Variants in EXD3 observed in about 807,000 individuals in gnomAD.
EXD3 encodes the protein exonuclease 3'-5' domain containing 3.
Under a neutral mutation model 98.0 loss-of-function variants are expected in EXD3, and 92 were observed. The observed-to-expected ratio is 0.94, with a 90% CI of 0.79 to 1.12. The LOEUF (loss-of-function observed/expected upper bound fraction) is 1.12. Among genes scored for constraint, EXD3 ranks in the 50% most tolerant of loss-of-function variants. EXD3 has a pLI of 0.00. For missense variants in EXD3, 1,222 were observed against 1,191.6 expected, an observed-to-expected ratio of 1.03 and a Z score of -0.38; for synonymous variants, 569 against 526.0, an observed-to-expected ratio of 1.08 and a Z score of -1.12.
chr9:137,403,173 G>A lies in EXD3; in HGVS notation c.-47-7769C>T, dbSNP rs1346030100. ...CCCCTCTCCCCTCCATGGCAGTGTG[G>A]GGACTGCTATGCATATCTGAAAGTG... On this transcript the variant is annotated intron_variant, in intron 1 of 21. Coordinates refer to ENST00000340951, the MANE Select transcript of EXD3 (RefSeq NM_017820.5). This position sits in a 1 kb window ranked among gnomAD's most constrained non-coding sequence, Gnocchi z 6.1. 6.6e-6 allele frequency among the ~76,000 whole-genome samples: 1 copy of A among 152,078 alleles called. No individual in the cohort carries two copies. Among genetic ancestry groups the A allele is most frequent in the African/African-American group, 2.4e-5 (1 of 41,494 alleles).
chr9:137,381,469 G>A (rs994758661), intron 3 of EXD3, among the ~76,000 whole-genome samples: 1 of 149,440 alleles, frequency 6.7e-6, no homozygotes, highest in Admixed American at 6.7e-5. Flanking sequence ...AGGCTGCTGG[G>A]CAGTGGGGCT....
intron 2 of EXD3, among the ~76,000 whole-genome samples, chr9:137,388,008 C>A (rs1235565308): frequency 1.3e-5 from 2 of 152,236 alleles, no homozygotes; most frequent in East Asian, 1.9e-4. Context: ...CTGGACCCTG[C>A]CCCTTGGAAC....
At chr9:137,366,720 G>A in intron 6 of EXD3, 88 bp from the exon 7 acceptor site, 1 of 1,476,566 alleles carries the variant, frequency 6.8e-7, no homozygotes, top group Non-Finnish European at 9.0e-7. Flanking sequence ...CGGCCAAAGT[G>A]TCAGAACGAA....
intron 1 of EXD3, among the ~76,000 whole-genome samples, chr9:137,420,509 C>T (rs1838461644): frequency 6.6e-6 from 1 of 152,176 alleles, no homozygotes; most frequent in Non-Finnish European, 1.5e-5. Context: ...CCTGGTTATT[C>T]TACCAAGGCT....
chr9:137,358,025 G>A (rs1834880755), intron 7 of EXD3, among the ~76,000 whole-genome samples: 1 of 152,066 alleles, frequency 6.6e-6, no homozygotes, highest in Admixed American at 6.6e-5. Flanking sequence ...GGGTGCGTCT[G>A]CCTCTCCCAG....
At chr9:137,318,337 C>T (rs575048573) in intron 19 of EXD3, among the ~76,000 whole-genome samples, 56 of 152,260 alleles carry the variant, frequency 3.7e-4, no homozygotes, top group Non-Finnish European at 7.1e-4. Context: ...CCCCTCGTCC[C>T]CCCCATAATG....
At chr9:137,334,445 G>A (rs1469578199) in intron 17 of EXD3, among the ~76,000 whole-genome samples, 7 of 152,174 alleles carry the variant, frequency 4.6e-5, no homozygotes, top group East Asian at 1.9e-4. Flanking sequence ...TACAATCAAC[G>A]GATCTTTGAC....
At position 137,309,651 on chromosome 9, in the gene EXD3, T is replaced by C. The variant is rs1237341342; in HGVS notation, c.2234A>G (p.Gln745Arg). 6.4e-7 allele frequency: 1 copy of C among 1,562,350 alleles called. No homozygotes were observed. The highest frequency in any genetic ancestry group is 1.2e-5 in the South Asian group (1 of 84,768). ...CTGGTGACTGCTGAGCCACATGAGC[T>C]GCTTCATCATGTCCCTGGAGACCTT... ...YLKVSRDMMKQLMWLSSHQEG... is the reference protein window; with the variant it reads ...YLKVSRDMMKRLMWLSSHQEG... The change falls in exon 20 of 22, where the codon CAG (glutamine) becomes CGG (arginine). Residue 745 changes from glutamine to arginine, a missense_variant. Physicochemically the swap from Gln to Arg is conservative, Grantham distance 43. Coordinates refer to ENST00000340951, the MANE Select transcript of EXD3 (RefSeq NM_017820.5).
chr9:137,389,235 G>A (rs78428182), intron 2 of EXD3, among the ~76,000 whole-genome samples: 2,096 of 152,276 alleles, frequency 0.014, 37 homozygotes, highest in African/African-American at 0.047. Context: ...CCCCAAGCCC[G>A]GCGGACAGCG....
chr9:137,314,057 G>C (rs1051118793), intron 19 of EXD3, among the ~76,000 whole-genome samples: 1 of 152,156 alleles, frequency 6.6e-6, no homozygotes, highest in African/African-American at 2.4e-5. Flanking sequence ...GAGGCCCCCA[G>C]GCTGCCCTGT....
chr9:137,378,877 T>G (rs1836051855), intron 3 of EXD3, among the ~76,000 whole-genome samples: 1 of 150,566 alleles, frequency 6.6e-6, no homozygotes, highest in African/African-American at 2.5e-5. Context: ...GGTACAGGGT[T>G]TGTGGGTGAC....
rs1837781237 is a variant in EXD3 at position 137,407,481 on chromosome 9, C to CT, written c.-47-12078dup. 6.6e-6 allele frequency among the ~76,000 whole-genome samples: 1 copy of CT among 152,212 alleles called. No homozygotes were observed. Among genetic ancestry groups the CT allele is most frequent in the Non-Finnish European group, 1.5e-5 (1 of 68,032 alleles). ...GCCGTGCAAAGGGCAGGTCTGGCCG[C>CT]TCTCGGGCTCTGCCCTGCCAGCCCC... On this transcript the variant is annotated intron_variant, in intron 1 of 21. Transcript: ENST00000340951. The surrounding 1 kb of genome is among the most constrained non-coding windows in gnomAD (Gnocchi z 4.4).
At chr9:137,400,523 T>G (rs11522298) in intron 1 of EXD3, among the ~76,000 whole-genome samples, 43,543 of 152,086 alleles carry the variant, frequency 0.29, 6,472 homozygotes, top group East Asian at 0.33. Context: ...CCCAGCACTT[T>G]GGGAGGCCGA....
intron 2 of EXD3, among the ~76,000 whole-genome samples, chr9:137,387,870 C>G (rs1194177769): frequency 2.0e-5 from 3 of 152,166 alleles, no homozygotes; most frequent in African/African-American, 7.2e-5. Flanking sequence ...GCCCCCACCT[C>G]CACACCCAGG....
At chr9:137,368,738 G>T (rs193053448) in intron 5 of EXD3, among the ~76,000 whole-genome samples, 1,978 of 152,260 alleles carry the variant, frequency 0.013, 18 homozygotes, top group Middle Eastern at 0.037. Flanking sequence ...TGCGCAGGGT[G>T]GGGGCGCAGG....
In EXD3 at chr9:137,349,509, G is replaced by A. The variant is rs777383866; in HGVS notation, c.1517C>T (p.Ala506Val). The A allele has an allele frequency of 1.1e-5, 17 of 1,597,366 alleles. No individual in the cohort carries two copies. Among genetic ancestry groups the A allele is most frequent in the Non-Finnish European group, 1.4e-5 (17 of 1,174,920 alleles). ...HRQMRVASVP[A>V]PAVDRARELR... ...CTCCCTGGCCCTGTCCACGGCTGGG[G>A]CTGGCACGCTCGCCACCCGCATCTG... The change falls in exon 15 of 22, where the codon GCC becomes GTC. Residue 506 changes from alanine to valine, a missense_variant. By Grantham distance (64) the Ala-to-Val change is moderately conservative (BLOSUM62 0). Coordinates refer to ENST00000340951, the MANE Select transcript of EXD3 (RefSeq NM_017820.5). The surrounding 1 kb of genome is among the most constrained non-coding windows in gnomAD (Gnocchi z 7.4).
rs750469591 is a variant in EXD3 at position 137,354,395 on chromosome 9, A to G, written c.832-18T>C. On this transcript the variant is annotated intron_variant, in intron 9 of 21. Coordinates refer to ENST00000340951, the MANE Select transcript of EXD3 (RefSeq NM_017820.5). ...AGGCTCTTCTGCAAAGGCAAACAGG[A>G]AGGGGCGGTTGCCAGGCAGCTCCAG... 1.2e-6 allele frequency: 2 copies of G among 1,612,240 alleles called. No individual in the cohort carries two copies. Among genetic ancestry groups the G allele is most frequent in the Admixed American group, 3.3e-5 (2 of 59,966 alleles).
chr9:137,349,322 CG>C lies in EXD3; in HGVS notation c.1658-41del. 1 of 1,544,028 alleles carries C rather than the reference CG, an allele frequency of 6.5e-7. No individual in the cohort carries two copies. The highest frequency in any genetic ancestry group is 8.7e-7 in the Non-Finnish European group (1 of 1,148,822). ...GGCCTCAGCCTCCCGGGACAGAGGG[CG>C]GGAGGGGCGTGAGGAGGGGTCACTC... is the stretch of plus-strand genomic sequence containing the variant. On this transcript the variant is annotated intron_variant, in intron 15 of 21. Coordinates refer to ENST00000340951, the MANE Select transcript of EXD3 (RefSeq NM_017820.5). The surrounding 1 kb of genome is among the most constrained non-coding windows in gnomAD (Gnocchi z 7.4).
intron 19 of EXD3, among the ~76,000 whole-genome samples, chr9:137,310,724 G>A (rs1456635418): frequency 2.0e-5 from 3 of 152,200 alleles, no homozygotes. Context: ...GCCAGGAGGG[G>A]GCTGGGTGCC....
Sources: gnomAD v4.1 joint callset for allele counts (sites outside exome capture counted in the v4.1 genomes callset) on GRCh38, gnomAD v4.1.1 for gene constraint, Gnocchi (gnomAD v3.1) non-coding constraint, MANE v1.5 for transcripts, NCBI Gene and HGNC (gene_info 2026-07-23, HGNC 2026-07-21) for gene names.